Variants in TRHDE observed in about 807,000 individuals in gnomAD.
TRHDE encodes thyrotropin-releasing hormone-degrading ectoenzyme.
A neutral mutation model predicts 125.7 loss-of-function variants in TRHDE; 72 were observed. That is an observed-to-expected ratio of 0.57 (90% CI 0.47 to 0.70). The LOEUF (loss-of-function observed/expected upper bound fraction) is 0.70, where lower values mean the gene tolerates loss of function less well. Ranked by LOEUF, TRHDE falls within the 30% of genes least tolerant of loss-of-function variation. TRHDE has a pLI of 0.00. For missense variants in TRHDE, 1,110 were observed against 1,327.1 expected (o/e 0.84, Z 2.54); for synonymous variants, 509 against 509.1 (o/e 1.00, Z 0.00).
intron 2 of TRHDE, among the ~76,000 whole-genome samples, chr12:72,364,773 G>A (rs1871274331): frequency 2.0e-5 from 3 of 152,158 alleles, no homozygotes; most frequent in African/African-American, 7.2e-5. Flanking sequence ...AGGAATCAAA[G>A]GACTGATGGG....
chr12:72,491,400 CTGAT>C (rs759761910), intron 5 of TRHDE, among the ~76,000 whole-genome samples: 9 of 151,854 alleles, frequency 5.9e-5, no homozygotes, highest in Non-Finnish European at 1.0e-4. Flanking sequence ...ATGTGAGTGA[CTGAT>C]TGATAACTTC....
intron 3 of TRHDE, among the ~76,000 whole-genome samples, chr12:72,414,347 G>A (rs1873640509): frequency 6.6e-6 from 1 of 152,056 alleles, no homozygotes; most frequent in South Asian, 2.1e-4. Context: ...AGACAAGAGA[G>A]ACAACGAAAT....
chr12:72,318,100 T>G (rs1412184191), intron 2 of TRHDE, among the ~76,000 whole-genome samples: 1 of 152,168 alleles, frequency 6.6e-6, no homozygotes, highest in Admixed American at 6.5e-5. Flanking sequence ...TAACACATCT[T>G]TAATTGTTTA....
intron 2 of TRHDE, among the ~76,000 whole-genome samples, chr12:72,216,023 T>C (rs1877883353): frequency 6.6e-6 from 1 of 152,300 alleles, no homozygotes; most frequent in South Asian, 2.1e-4. Flanking sequence ...TAAATGACAT[T>C]AGGCAAGTTA....
At chr12:72,462,369 GT>G (rs1350359225) in intron 3 of TRHDE, among the ~76,000 whole-genome samples, 1 of 152,162 alleles carries the variant, frequency 6.6e-6, no homozygotes, top group Non-Finnish European at 1.5e-5. Context: ...GAGTAGAGAG[GT>G]GATTTAGAAG....
chr12:72,543,780 G>A (rs1450091809), intron 7 of TRHDE, among the ~76,000 whole-genome samples: 1 of 144,690 alleles, frequency 6.9e-6, no homozygotes, highest in African/African-American at 2.5e-5. Context: ...ATTTGGAAAG[G>A]ATTATTATTT....
At chr12:72,186,837 G>A (rs914373072) in intron 2 of TRHDE, among the ~76,000 whole-genome samples, 1 of 151,138 alleles carries the variant, frequency 6.6e-6, no homozygotes, top group Non-Finnish European at 1.5e-5. Flanking sequence ...TTATTGGCGT[G>A]GGGGGTAGCA....
rs376713479 is a variant in TRHDE, at chr12:72,250,837, GATATATATATAT to G, written n.280-127143_280-127132del. Among the ~76,000 whole-genome samples the G allele has an allele frequency of 8.7e-4, 103 of 117,946 alleles. 2 individuals are homozygous for G. The South Asian group carries it at 0.026, about 30-fold the overall frequency. 77.4% of individuals were successfully genotyped at this position (117,946 alleles called of 152,430 possible). ...TGTGTAACTTTCAATATGACTTACA[GATATATATATAT>G]ATATATATATATATTTTATTTTTAT... is the stretch of plus-strand genomic sequence containing the variant. On this transcript the variant is annotated intron_variant and non_coding_transcript_variant, in intron 2 of 4. Coordinates refer to the TRHDE transcript ENST00000548156.
At chr12:72,531,803 T>C (rs1868570313) in intron 6 of TRHDE, among the ~76,000 whole-genome samples, 1 of 152,124 alleles carries the variant, frequency 6.6e-6, no homozygotes, top group Non-Finnish European at 1.5e-5. Context: ...CTGCAGTCCC[T>C]TGATCTGGTC....
intron 2 of TRHDE, among the ~76,000 whole-genome samples, chr12:72,207,943 C>T (rs1877701840): frequency 6.6e-6 from 1 of 152,162 alleles, no homozygotes; most frequent in South Asian, 2.1e-4. Flanking sequence ...CTGATGTCAG[C>T]TGCTCATGAG....
chr12:72,563,256 G>T (rs1870270120), intron 9 of TRHDE, among the ~76,000 whole-genome samples: 1 of 152,008 alleles, frequency 6.6e-6, no homozygotes, highest in Admixed American at 6.6e-5. Context: ...TATTTGTTTA[G>T]GAAGACAGAA....
chr12:72,430,288 T>C, intron 3 of TRHDE, among the ~76,000 whole-genome samples: 1 of 143,000 alleles, frequency 7.0e-6, no homozygotes, highest in Admixed American at 7.0e-5. Flanking sequence ...CTGTTGTGTG[T>C]GTGTATATAT....
At chr12:72,527,755 C>T (rs1010654920) in intron 6 of TRHDE, among the ~76,000 whole-genome samples, 9 of 152,026 alleles carry the variant, frequency 5.9e-5, no homozygotes, top group South Asian at 2.1e-4. Flanking sequence ...ATTTTATACA[C>T]ATCAATATTA....
intron 2 of TRHDE, among the ~76,000 whole-genome samples, chr12:72,375,906 A>T (rs1376818296): frequency 2.0e-5 from 3 of 152,164 alleles, no homozygotes; most frequent in Non-Finnish European, 4.4e-5. Flanking sequence ...TCTCTTGTGG[A>T]TGTTGTTGGT....
chr12:72,582,095 C>G (rs1293114324), intron 12 of TRHDE: 8 of 246,174 alleles, frequency 3.2e-5, no homozygotes, highest in African/African-American at 6.4e-5. Context: ...GAGCGAGACT[C>G]CGTCTCAAAA....
intron 2 of TRHDE, among the ~76,000 whole-genome samples, chr12:72,234,779 G>A (rs1048032726): frequency 6.6e-6 from 1 of 152,110 alleles, no homozygotes; most frequent in African/African-American, 2.4e-5. Flanking sequence ...ACCTTTTAAT[G>A]AATTTAGGTA....
At chr12:72,610,000 T>C (rs565791447) in intron 12 of TRHDE, among the ~76,000 whole-genome samples, 4 of 152,212 alleles carry the variant, frequency 2.6e-5, no homozygotes, top group Non-Finnish European at 5.9e-5. Flanking sequence ...ATGGAAATCA[T>C]AAACTCTGTG....
chr12:72,575,837 T>C (rs1021397914), intron 12 of TRHDE, among the ~76,000 whole-genome samples: 8 of 152,154 alleles, frequency 5.3e-5, no homozygotes, highest in African/African-American at 1.9e-4. Context: ...AAAGTGACCA[T>C]TGGGCCATAT....
intron 2 of TRHDE, among the ~76,000 whole-genome samples, chr12:72,216,384 A>G (rs1388076110): frequency 2.0e-5 from 3 of 152,108 alleles, no homozygotes; most frequent in Non-Finnish European, 4.4e-5. Flanking sequence ...TTACATGTAT[A>G]CTATTTGTTT....
Sources: gnomAD v4.1 joint callset for allele counts (sites outside exome capture counted in the v4.1 genomes callset) on GRCh38, gnomAD v4.1.1 for gene constraint, MANE v1.5 for transcripts, NCBI Gene and HGNC (gene_info 2026-07-23, HGNC 2026-07-21) for gene names.